The following SHROOM3 variants were observed in gnomAD, a reference collection of about 807,000 sequenced individuals.
SHROOM3 encodes protein Shroom3.
In SHROOM3, 47 loss-of-function variants were observed where a neutral mutation model predicts 138.6. The ratio of observed to expected loss-of-function variants is 0.34; its 90% CI spans 0.27 to 0.43. SHROOM3 has a LOEUF of 0.43. Among genes scored for constraint, SHROOM3 ranks in the 20% least tolerant of loss-of-function variants. The pLI, the probability that SHROOM3 is intolerant of heterozygous loss-of-function variation, is 1.00. For missense variants in SHROOM3, 2,491 were observed against 2,596.5 expected (o/e 0.96, Z 0.88); for synonymous variants, 1,062 against 1,063.3 (o/e 1.00, Z 0.02).
chr4:76,501,704 C>T (rs970732454), intron 1 of SHROOM3, among the ~76,000 whole-genome samples: 5 of 152,120 alleles, frequency 3.3e-5, no homozygotes, highest in African/African-American at 9.7e-5. Flanking sequence ...ATCATGTCTA[C>T]GTGATAAAGC....
At chr4:76,711,380 A>C (rs1720223955) in intron 3 of SHROOM3, among the ~76,000 whole-genome samples, 1 of 152,242 alleles carries the variant, frequency 6.6e-6, no homozygotes, top group Non-Finnish European at 1.5e-5. Flanking sequence ...TTATCATAGT[A>C]ACCAATTATC....
intron 2 of SHROOM3, among the ~76,000 whole-genome samples, chr4:76,671,179 T>C (rs975926244): frequency 6.6e-6 from 1 of 152,222 alleles, no homozygotes; most frequent in Non-Finnish European, 1.5e-5. Flanking sequence ...CCTGGCCTCA[T>C]GGAGCTTACA....
intron 2 of SHROOM3, among the ~76,000 whole-genome samples, chr4:76,653,178 C>T (rs781491377): frequency 7.9e-5 from 12 of 151,950 alleles, no homozygotes; most frequent in Non-Finnish European, 1.2e-4. Flanking sequence ...TCATTTCTGC[C>T]ACTTGTACCA....
intron 1 of SHROOM3, among the ~76,000 whole-genome samples, chr4:76,546,591 G>A (rs2110023749): frequency 6.6e-6 from 1 of 152,306 alleles, no homozygotes; most frequent in Admixed American, 6.5e-5. Flanking sequence ...TGTGAGTAAT[G>A]ACAATTTCCA....
intron 3 of SHROOM3, among the ~76,000 whole-genome samples, chr4:76,723,077 CA>C (rs535344981): frequency 2.6e-5 from 4 of 151,918 alleles, no homozygotes; most frequent in Admixed American, 1.3e-4. Context: ...ATAGCATCAA[CA>C]AAAAAATTAG....
Position 76,744,714 on chromosome 4 carries a change from GTC to G in SHROOM3, c.3753+2790_3753+2791del, listed in dbSNP as rs1721374503. 3.9e-5 allele frequency among the ~76,000 whole-genome samples: 6 copies of G among 152,304 alleles called. No individual in the cohort carries two copies. In the South Asian group the frequency reaches 1.2e-3, roughly 32 times the overall value. On this transcript the variant is annotated intron_variant, in intron 5 of 10. Coordinates refer to ENST00000296043, the MANE Select transcript of SHROOM3 (RefSeq NM_020859.4). ...CAAGTTAAGTGAACTTGTAGAGACTGTCTGCCTGAGTTAAAACCACAATGTGG... is the reference window on the plus strand; with the variant it reads ...CAAGTTAAGTGAACTTGTAGAGACTGTGCCTGAGTTAAAACCACAATGTGG...
chr4:76,482,315 T>C (rs1431377833), intron 1 of SHROOM3, among the ~76,000 whole-genome samples: 1 of 152,134 alleles, frequency 6.6e-6, no homozygotes, highest in Non-Finnish European at 1.5e-5. Flanking sequence ...AGTCCCAAGA[T>C]ACAAAATCAA....
chr4:76,548,182 C>T (rs1200151879), intron 1 of SHROOM3, among the ~76,000 whole-genome samples: 1 of 141,796 alleles, frequency 7.1e-6, no homozygotes, highest in Non-Finnish European at 1.6e-5. Flanking sequence ...GAAGACAGTG[C>T]CTGCCATGCT....
At chr4:76,515,198 G>A (rs1732419484) in intron 1 of SHROOM3, among the ~76,000 whole-genome samples, 1 of 142,296 alleles carries the variant, frequency 7.0e-6, no homozygotes, top group Non-Finnish European at 1.5e-5. Context: ...CTGGGTGACA[G>A]AGCAAAACTC....
At chr4:76,506,178 A>T (rs1430348946) in intron 1 of SHROOM3, among the ~76,000 whole-genome samples, 1 of 151,952 alleles carries the variant, frequency 6.6e-6, no homozygotes, top group Non-Finnish European at 1.5e-5. Flanking sequence ...GAACAACGAG[A>T]ACACATGGAC....
At chr4:76,489,022 A>C (rs949366937) in intron 1 of SHROOM3, among the ~76,000 whole-genome samples, 2 of 152,190 alleles carry the variant, frequency 1.3e-5, no homozygotes, top group Non-Finnish European at 2.9e-5. Context: ...CCAACTCCTG[A>C]ATATGGTGCC....
At chr4:76,462,340 C>G (rs548680523) in intron 1 of SHROOM3, among the ~76,000 whole-genome samples, 126 of 151,996 alleles carry the variant, frequency 8.3e-4, no homozygotes, top group African/African-American at 2.9e-3. Flanking sequence ...CTGCTGCACT[C>G]TAGCCTGGGT....
At chr4:76,528,440 T>A (rs1410217247) in intron 1 of SHROOM3, among the ~76,000 whole-genome samples, 1 of 151,402 alleles carries the variant, frequency 6.6e-6, no homozygotes, top group Non-Finnish European at 1.5e-5. Context: ...TGCCTCAGCT[T>A]CCTAAGTAGC....
chr4:76,617,972 A>C (rs1391757651), intron 2 of SHROOM3, among the ~76,000 whole-genome samples: 8 of 152,250 alleles, frequency 5.3e-5, no homozygotes, highest in Non-Finnish European at 1.2e-4. Flanking sequence ...GCTTAGAAAC[A>C]AGATGCTGGC....
chr4:76,654,838 T>C (rs1052741650), intron 2 of SHROOM3, among the ~76,000 whole-genome samples: 4 of 152,218 alleles, frequency 2.6e-5, no homozygotes, highest in African/African-American at 7.2e-5. Flanking sequence ...ATTAACTTAT[T>C]ATCCTCAGTT....
At chr4:76,485,437 G>A (rs1296197453) in intron 1 of SHROOM3, among the ~76,000 whole-genome samples, 1 of 152,174 alleles carries the variant, frequency 6.6e-6, no homozygotes, top group East Asian at 1.9e-4. Flanking sequence ...TAGGGATACA[G>A]CCATTCATGG....
intron 2 of SHROOM3, among the ~76,000 whole-genome samples, chr4:76,672,704 T>G (rs1175119595): frequency 6.6e-6 from 1 of 152,088 alleles, no homozygotes; most frequent in Non-Finnish European, 1.5e-5. Flanking sequence ...TCCTGAGTAG[T>G]TGGGACTACA....
rs141646361 is a variant in SHROOM3, at chr4:76,755,002, G to C, written c.4519G>C (p.Glu1507Gln). Residue 1507 changes from glutamate (E) to glutamine (Q), a missense_variant, in exon 7 of 11, where the codon GAA (glutamate) becomes CAA (glutamine). Physicochemically the swap from Glu to Gln is conservative, Grantham distance 29. Coordinates refer to ENST00000296043, the MANE Select transcript of SHROOM3 (RefSeq NM_020859.4). ...GCCACCTCATGAGGATTATGAAGAC[G>C]AAGTGTTTGTGAGGGATCCGCACCC... Reference protein sequence around the residue: ...SPPPHEDYEDEVFVRDPHPKA... With the variant: ...SPPPHEDYEDQVFVRDPHPKA... The C allele has an allele frequency of 6.2e-7, 1 of 1,612,432 alleles. No individual in the cohort carries two copies. Among genetic ancestry groups the C allele is most frequent in the Admixed American group, 1.7e-5 (1 of 59,956 alleles).
Position 76,779,103 on chromosome 4 carries a change from C to A in SHROOM3, c.5917C>A (p.Leu1973Ile). The A allele has an allele frequency of 6.2e-7, 1 of 1,614,242 alleles. No homozygotes were observed. The highest frequency in any genetic ancestry group is 8.5e-7 in the Non-Finnish European group (1 of 1,180,048). ...KAGALALPPN[L>I]TSEPIPAGGC... ...TGGGGCCCTGGCTCTGCCCCCAAAC[C>A]TCACGAGTGAGCCCATTCCTGCTGG... Residue 1973 changes from leucine to isoleucine, a missense_variant, in exon 11 of 11, where the codon CTC (leucine) becomes ATC (isoleucine). Transcript: ENST00000296043.
Sources: gnomAD v4.1 joint callset for allele counts (sites outside exome capture counted in the v4.1 genomes callset) on GRCh38, gnomAD v4.1.1 for gene constraint, MANE v1.5 for transcripts, NCBI Gene and HGNC (gene_info 2026-07-23, HGNC 2026-07-21) for gene names.